The following MAG variants were observed in gnomAD, a reference collection of about 807,000 sequenced individuals.
MAG encodes the protein myelin associated glycoprotein, also known as myelin-associated glycoprotein.
A neutral mutation model predicts 60.7 loss-of-function variants in MAG; 30 were observed. The ratio of observed to expected loss-of-function variants is 0.49; its 90% CI spans 0.37 to 0.67. The LOEUF is 0.67. Ranked by LOEUF, MAG falls within the 30% of genes least tolerant of loss-of-function variation. MAG has a pLI of 0.00. For missense variants in MAG, 795 were observed against 851.7 expected (o/e 0.93, Z 0.83); for synonymous variants, 384 against 376.8 (o/e 1.02, Z -0.22).
chr19:35,296,933 A>G (rs1445227626), intron 4 of MAG, among the ~76,000 whole-genome samples: 1 of 149,610 alleles, frequency 6.7e-6, no homozygotes, highest in Admixed American at 6.7e-5. Flanking sequence ...CCACACACAC[A>G]CACTACACAA....
intron 9 of MAG, among the ~76,000 whole-genome samples, chr19:35,311,372 G>GA (rs1187940556): frequency 2.6e-5 from 4 of 152,238 alleles, no homozygotes; most frequent in Admixed American, 2.6e-4. Flanking sequence ...GCTGAGGAGG[G>GA]AAGATCGCTT....
Position 35,310,744 on chromosome 19 carries a change from G to C in MAG, c.1616+101G>C, listed in dbSNP as rs75496944. On this transcript the variant is annotated intron_variant, in intron 9 of 10. Transcript: ENST00000392213. ...TGGGTGGGGGAAGGCAGCACCATAA[G>C]TGTAGAGAAGGCAGATTCTGTTCTG... 2,307 of 941,672 alleles carry C rather than the reference G, an allele frequency of 2.4e-3. 39 individuals carry two copies. The African/African-American group carries it at 0.032, about 13-fold the overall frequency. 58.3% of individuals were successfully genotyped at this position (941,672 alleles called of 1,614,324 possible).
Position 35,312,091 on chromosome 19 carries a change from G to A in MAG, c.1716+74G>A, listed in dbSNP as rs937616350. 3.5e-6 allele frequency: 5 copies of A among 1,432,968 alleles called. No homozygotes were observed. In the African/African-American group the frequency reaches 4.2e-5, roughly 12 times the overall value. The allele number at this position is 1,432,968 out of a possible 1,614,324, so 88.8% of individuals were successfully genotyped here. A position where few individuals can be genotyped will look rare whatever the true frequency, so the allele number is the denominator to read the frequency against. ...CTGAAGGCCTGGGAAAGGCCTGTGA[G>A]GCCAAGGGGCAGGGGAGTGGGAGCG... On this transcript the variant is annotated intron_variant, in intron 10 of 10. Coordinates refer to ENST00000392213, the MANE Select transcript of MAG (RefSeq NM_002361.4).
intron 6 of MAG, among the ~76,000 whole-genome samples, chr19:35,301,814 C>A (rs189730702): frequency 2.4e-3 from 360 of 152,270 alleles, no homozygotes; most frequent in African/African-American, 8.0e-3. Flanking sequence ...GACCTGCCTA[C>A]CTCAGCCTCC....
chr19:35,302,895 C>T (rs1199975687), intron 7 of MAG, among the ~76,000 whole-genome samples, 187 bp downstream of exon 7: 1 of 150,958 alleles, frequency 6.6e-6, no homozygotes, highest in Non-Finnish European at 1.5e-5. Flanking sequence ...TATTGTGTTC[C>T]CACATCCGGG....
chr19:35,311,309 A>C (rs2066525213), intron 9 of MAG, among the ~76,000 whole-genome samples: 1 of 152,110 alleles, frequency 6.6e-6, no homozygotes, highest in African/African-American at 2.4e-5. Flanking sequence ...CTACAAAAAA[A>C]CAAAAAAATT....
chr19:35,295,474 GGGGACCTAAA>G lies in MAG; in HGVS notation c.46+23_46+32del. On this transcript the variant is annotated intron_variant, in intron 3 of 10. Coordinates refer to ENST00000392213, the MANE Select transcript of MAG (RefSeq NM_002361.4). The surrounding 1 kb of genome is among the most constrained non-coding windows in gnomAD (Gnocchi z 5.8). ...TTTCAGGTAACGGCTGACAGGTGCT[GGGGACCTAAA>G]GGCTTTGGCCCCTGAGCAGGTTGGA... 2 of 1,613,982 alleles carry G rather than the reference GGGGACCTAAA, an allele frequency of 1.2e-6. No homozygotes were observed. The highest frequency in any genetic ancestry group is 1.7e-6 in the Non-Finnish European group (2 of 1,179,986).
intron 7 of MAG, among the ~76,000 whole-genome samples, chr19:35,308,038 G>A (rs1182284573): frequency 4.6e-5 from 7 of 152,178 alleles, no homozygotes; most frequent in South Asian, 2.1e-4. Context: ...TCCCTTCTAC[G>A]TGTGGGGCCC....
At position 35,310,071 on chromosome 19, in the gene MAG, C is replaced by CG; in HGVS notation, c.1434dup (p.Gln479AlafsTer102). 2 of 1,613,354 alleles carry CG rather than the reference C, an allele frequency of 1.2e-6. No homozygotes were observed. The highest frequency in any genetic ancestry group is 1.7e-6 in the Non-Finnish European group (2 of 1,179,848). On this transcript the variant is annotated frameshift_variant, in exon 8 of 11. Coordinates refer to ENST00000392213, the MANE Select transcript of MAG (RefSeq NM_002361.4). LOFTEE classifies it high-confidence loss of function. ...CGTGCTCACCAGCATCCTCACGCTG[C>CG]GGGGGCAGGCCCAGGCCCCGCCCCG... is the stretch of plus-strand genomic sequence containing the variant.
At position 35,302,654 on chromosome 19, in the gene MAG, G is replaced by A. The variant is rs1170857301; in HGVS notation, c.1177G>A (p.Val393Met). 6.2e-7 allele frequency: 1 copy of A among 1,614,172 alleles called. No individual in the cohort carries two copies. Among genetic ancestry groups the A allele is most frequent in the Admixed American group, 1.7e-5 (1 of 60,026 alleles). ...CGAGGATGATGGAGAGTACTGGTGT[G>A]TGGCTGAGAACCAGTATGGCCAGAG... ...SPEDDGEYWC[V>M]AENQYGQRAT... Residue 393 changes from valine to methionine, a missense_variant, in exon 7 of 11, where the codon GTG (valine) becomes ATG (methionine). Val to Met is a conservative substitution (Grantham distance 21). Coordinates refer to ENST00000392213, the MANE Select transcript of MAG (RefSeq NM_002361.4).
intron 1 of MAG, 49 bp from the exon 2 acceptor site, chr19:35,294,186 G>T: frequency 2.6e-6 from 1 of 390,734 alleles, no homozygotes; most frequent in South Asian, 1.8e-5. Flanking sequence ...GGTGGGTTGG[G>T]TGCCTCAATC....
In MAG at chr19:35,295,720, C is replaced by T. The variant is rs1444682517; in HGVS notation, c.154C>T (p.Pro52Ser). 8 of 1,613,768 alleles carry T rather than the reference C, an allele frequency of 5.0e-6. No individual in the cohort carries two copies. In the South Asian group the frequency reaches 8.8e-5, roughly 18 times the overall value. Residue 52 changes from proline to serine, a missense_variant, in exon 4 of 11, where the codon CCC becomes TCC. Pro to Ser is a moderately conservative substitution (Grantham distance 74). Transcript: ENST00000392213. The surrounding 1 kb of genome is among the most constrained non-coding windows in gnomAD (Gnocchi z 5.8). The stretch of plus-strand genomic sequence containing the variant: ...CTTTGACTTCCCGGATGAGCTGCGG[C>T]CCGCTGTGGTGCATGGTGTCTGGTA... Reference protein sequence around the residue: ...CRFDFPDELRPAVVHGVWYFN... With the variant: ...CRFDFPDELRSAVVHGVWYFN...
chr19:35,304,394 C>T (rs2066469588), intron 7 of MAG, among the ~76,000 whole-genome samples: 1 of 152,160 alleles, frequency 6.6e-6, no homozygotes, highest in Non-Finnish European at 1.5e-5. Flanking sequence ...AAGCCTGCAG[C>T]ACCAACTCAC....
intron 6 of MAG, among the ~76,000 whole-genome samples, chr19:35,300,608 C>T (rs2145613036): frequency 6.6e-6 from 1 of 152,356 alleles, no homozygotes; most frequent in South Asian, 2.1e-4. Flanking sequence ...CTGCCTCATC[C>T]TCCTTCCAGG....
chr19:35,296,108 G>C, intron 4 of MAG, 127 bp downstream of exon 4: 1 of 1,335,710 alleles, frequency 7.5e-7, no homozygotes, highest in East Asian at 2.4e-5. Context: ...TGCTGATTTG[G>C]CTGGGGGTGC....
chr19:35,312,559 G>A (rs748187252), intron 10 of MAG: 20 of 543,626 alleles, frequency 3.7e-5, no homozygotes, highest in African/African-American at 1.9e-4. Flanking sequence ...GGTGGGAAGC[G>A]TGGGGGGAAC....
rs376703904 is a variant in MAG at position 35,295,374 on chromosome 19, C to T, written c.-23-12C>T. ...TTCCCCCAGCCTTTAACCCTCTCCT[C>T]TCCCTTTCCAGCGATCACTCACTCG... On this transcript the variant is annotated splice_polypyrimidine_tract_variant and intron_variant, in intron 2 of 10. Transcript: ENST00000392213. This position sits in a 1 kb window ranked among gnomAD's most constrained non-coding sequence, Gnocchi z 5.8. 22 of 1,612,580 alleles carry T rather than the reference C, an allele frequency of 1.4e-5. No homozygotes were observed. The highest frequency in any genetic ancestry group is 1.7e-5 in the Non-Finnish European group (20 of 1,179,428).
chr19:35,310,120 T>A lies in MAG; in HGVS notation c.1478T>A (p.Leu493His). 3.1e-6 allele frequency: 5 copies of A among 1,611,102 alleles called. No individual in the cohort carries two copies. Among genetic ancestry groups the A allele is most frequent in the Middle Eastern group, 1.7e-4 (1 of 6,052 alleles). Residue 493 changes from leucine (L) to histidine (H), a missense_variant, in exon 8 of 11, where the codon CTC (leucine) becomes CAC (histidine). Coordinates refer to ENST00000392213, the MANE Select transcript of MAG (RefSeq NM_002361.4). Reference protein sequence around the residue: ...PPRVICTARNLYGAKSLELPF... With the variant: ...PPRVICTARNHYGAKSLELPF... Reference sequence around the variant, plus strand: ...CGCGTCATCTGCACCGCGAGGAACCTCTATGGCGCCAAGAGCCTGGAGCTG... The same window carrying A: ...CGCGTCATCTGCACCGCGAGGAACCACTATGGCGCCAAGAGCCTGGAGCTG...
chr19:35,310,571 G>A lies in MAG; in HGVS notation c.1544G>A (p.Gly515Glu). 1 of 1,614,176 alleles carries A rather than the reference G, an allele frequency of 6.2e-7. No homozygotes were observed. The highest frequency in any genetic ancestry group is 8.5e-7 in the Non-Finnish European group (1 of 1,180,040). Residue 515 changes from glycine (G) to glutamate (E), a missense_variant, in exon 9 of 11, where the codon GGG becomes GAG. Physicochemically the swap from Gly to Glu is moderately conservative, Grantham distance 98. Coordinates refer to ENST00000392213, the MANE Select transcript of MAG (RefSeq NM_002361.4). The part of the protein sequence containing the change: ...GAHRLMWAKI[G>E]PVGAVVAFAI... Reference sequence around the variant, plus strand: ...GATCGACTGATGTGGGCCAAGATCGGGCCTGTGGGCGCCGTGGTCGCCTTT... The same window carrying A: ...GATCGACTGATGTGGGCCAAGATCGAGCCTGTGGGCGCCGTGGTCGCCTTT...
Sources: allele counts gnomAD v4.1 joint callset (sites outside exome capture counted in the v4.1 genomes callset), GRCh38; gene constraint gnomAD v4.1.1; non-coding constraint Gnocchi (gnomAD v3.1); transcripts MANE v1.5; gene names NCBI Gene and HGNC (gene_info 2026-07-23, HGNC 2026-07-21).